Variants in SGMS1 observed in about 807,000 individuals in gnomAD.
SGMS1 encodes the protein phosphatidylcholine:ceramide cholinephosphotransferase 1.
A neutral mutation model predicts 46.2 loss-of-function variants in SGMS1; 13 were observed. The ratio of observed to expected loss-of-function variants is 0.28; its 90% CI spans 0.18 to 0.45. The LOEUF (loss-of-function observed/expected upper bound fraction) is 0.45. SGMS1 is among the 20% of genes least tolerant of loss of function. The pLI is 1.00. For missense variants in SGMS1, 324 were observed against 519.9 expected (o/e 0.62, Z 3.66); for synonymous variants, 203 against 187.8 (o/e 1.08, Z -0.66).
intron 6 of SGMS1, among the ~76,000 whole-genome samples, chr10:50,403,592 A>T (rs969188106): frequency 1.3e-5 from 2 of 151,958 alleles, no homozygotes; most frequent in Non-Finnish European, 2.9e-5. Flanking sequence ...TACAGAAGTG[A>T]GCATTATCTA....
chr10:50,606,400 T>G (rs990314086), intron 1 of SGMS1, among the ~76,000 whole-genome samples: 1 of 152,220 alleles, frequency 6.6e-6, no homozygotes, highest in Non-Finnish European at 1.5e-5. Flanking sequence ...GTGGAGATGG[T>G]TGCACAACAA....
At chr10:50,524,638 G>C (rs1410304921) in intron 2 of SGMS1, among the ~76,000 whole-genome samples, 1 of 152,178 alleles carries the variant, frequency 6.6e-6, no homozygotes, top group African/African-American at 2.4e-5. Context: ...CTGTAAAGTA[G>C]GTGATATTTA....
intron 1 of SGMS1, among the ~76,000 whole-genome samples, chr10:50,616,387 C>T (rs1227828667): frequency 1.3e-5 from 2 of 152,168 alleles, no homozygotes; most frequent in Non-Finnish European, 2.9e-5. Context: ...CCTCCCACCT[C>T]GGCCTCCCAA....
intron 6 of SGMS1, among the ~76,000 whole-genome samples, chr10:50,370,943 TTTAAAATA>T (rs1848426248): frequency 6.6e-6 from 1 of 152,124 alleles, no homozygotes. Flanking sequence ...TAGTTAACTT[TTTAAAATA>T]CATAAGTAGA....
At chr10:50,400,109 G>A (rs1428818872) in intron 6 of SGMS1, among the ~76,000 whole-genome samples, 1 of 151,462 alleles carries the variant, frequency 6.6e-6, no homozygotes, top group Non-Finnish European at 1.5e-5. Context: ...CTGGTTAGAT[G>A]GGTTTTACAT....
At chr10:50,426,297 AC>A (rs1401541022) in intron 6 of SGMS1, among the ~76,000 whole-genome samples, 1 of 152,260 alleles carries the variant, frequency 6.6e-6, no homozygotes, top group Non-Finnish European at 1.5e-5. Flanking sequence ...TTGGAAAAAA[AC>A]AACTACCATT....
At chr10:50,467,989 G>A (rs924434412) in intron 3 of SGMS1, among the ~76,000 whole-genome samples, 5 of 152,176 alleles carry the variant, frequency 3.3e-5, no homozygotes, top group African/African-American at 1.2e-4. Flanking sequence ...CTGGGAATAA[G>A]ATGGGAGAAG....
intron 8 of SGMS1, among the ~76,000 whole-genome samples, chr10:50,324,280 C>G (rs1266930258): frequency 6.6e-6 from 1 of 152,154 alleles, no homozygotes; most frequent in Non-Finnish European, 1.5e-5. Context: ...CTGTCTTAAC[C>G]TTAACTTTAG....
chr10:50,305,656 G>A lies in SGMS1; in HGVS notation c.*1486C>T, dbSNP rs1350176672. On this transcript the variant is annotated 3_prime_UTR_variant, in exon 11 of 11. Coordinates refer to ENST00000361781, the MANE Select transcript of SGMS1 (RefSeq NM_147156.4). The stretch of plus-strand genomic sequence containing the variant: ...TGCATTTTGATTAATTTATGATCTA[G>A]GTAAGCTGTAAGATACCAGTATACT... 6.5e-6 allele frequency: 1 copy of A among 152,692 alleles called. No homozygotes were observed. The highest frequency in any genetic ancestry group is 2.1e-4 in the South Asian group (1 of 4,818). 9.5% of individuals were successfully genotyped at this position (152,692 alleles called of 1,614,324 possible).
chr10:50,372,473 T>C (rs1848452897), intron 6 of SGMS1, among the ~76,000 whole-genome samples: 1 of 152,090 alleles, frequency 6.6e-6, no homozygotes, highest in South Asian at 2.1e-4. Context: ...GGAGGGTGGA[T>C]CACGAGGTCA....
intron 2 of SGMS1, among the ~76,000 whole-genome samples, chr10:50,522,823 C>T (rs1837867933): frequency 1.3e-5 from 2 of 152,146 alleles, no homozygotes; most frequent in South Asian, 2.1e-4. Flanking sequence ...CAATCTTTCT[C>T]AGTAATACAT....
chr10:50,425,270 A>G (rs767551458), intron 6 of SGMS1, among the ~76,000 whole-genome samples: 22 of 152,218 alleles, frequency 1.4e-4, no homozygotes, highest in Admixed American at 3.9e-4. Flanking sequence ...AAAATAAATC[A>G]TTATACCAAA....
At chr10:50,488,570 G>A (rs1267914126) in intron 3 of SGMS1, among the ~76,000 whole-genome samples, 1 of 152,112 alleles carries the variant, frequency 6.6e-6, no homozygotes, top group Admixed American at 6.6e-5. Flanking sequence ...CAGTATAGGT[G>A]TCTACAAAAT....
intron 3 of SGMS1, among the ~76,000 whole-genome samples, chr10:50,512,344 G>T (rs1410276522): frequency 6.6e-6 from 1 of 152,006 alleles, no homozygotes; most frequent in East Asian, 1.9e-4. Context: ...GAGAGAGAAA[G>T]GGCTCTCTCT....
At chr10:50,506,783 T>G (rs1426575173) in intron 3 of SGMS1, among the ~76,000 whole-genome samples, 1 of 152,212 alleles carries the variant, frequency 6.6e-6, no homozygotes, top group African/African-American at 2.4e-5. Flanking sequence ...AATTTAAATG[T>G]TAATAGTGGC....
intron 3 of SGMS1, among the ~76,000 whole-genome samples, chr10:50,467,399 A>C (rs563375735): frequency 6.7e-6 from 1 of 148,600 alleles, no homozygotes; most frequent in African/African-American, 2.5e-5. Context: ...GACCACATAC[A>C]TAAGTGTATG....
chr10:50,449,913 C>T (rs1289892090), intron 5 of SGMS1, among the ~76,000 whole-genome samples: 1 of 151,660 alleles, frequency 6.6e-6, no homozygotes, highest in Admixed American at 6.6e-5. Context: ...AAAGGAGGGC[C>T]TAGAAAATGG....
chr10:50,540,337 A>G (rs1011268375), intron 2 of SGMS1, among the ~76,000 whole-genome samples: 1 of 152,188 alleles, frequency 6.6e-6, no homozygotes, highest in Non-Finnish European at 1.5e-5. Context: ...TGGCAGGTAA[A>G]AAAAAATGGT....
intron 5 of SGMS1, among the ~76,000 whole-genome samples, chr10:50,442,500 C>T (rs1309772706): frequency 2.6e-5 from 4 of 152,108 alleles, no homozygotes; most frequent in African/African-American, 9.7e-5. Flanking sequence ...CATCCATGTC[C>T]CTGGAAAGGA....
Sources: gnomAD v4.1 joint callset for allele counts (sites outside exome capture counted in the v4.1 genomes callset) on GRCh38, gnomAD v4.1.1 for gene constraint, MANE v1.5 for transcripts, NCBI Gene and HGNC (gene_info 2026-07-23, HGNC 2026-07-21) for gene names.